Variants in CSMD1 observed in about 807,000 individuals in gnomAD.
CSMD1 encodes the protein CUB and Sushi multiple domains 1, also known as CUB and sushi domain-containing protein 1.
A neutral mutation model predicts 417.5 loss-of-function variants in CSMD1; 213 were observed. The observed-to-expected ratio is 0.51, with a 90% CI of 0.46 to 0.57. The LOEUF is 0.57. CSMD1 is among the 20% of genes least tolerant of loss of function. CSMD1 has a pLI of 0.00. For missense variants in CSMD1, 6,923 were observed against 4,529.7 expected (o/e 1.53, Z -15.17); for synonymous variants, 2,862 against 1,736.8 (o/e 1.65, Z -16.11).
intron 1 of CSMD1, among the ~76,000 whole-genome samples, chr8:4,705,251 G>A (rs919881757): frequency 6.6e-6 from 1 of 152,088 alleles, no homozygotes; most frequent in South Asian, 2.1e-4. Flanking sequence ...CCCAGTCTCT[G>A]GTATTTTTTT....
intron 7 of CSMD1, among the ~76,000 whole-genome samples, chr8:3,693,231 C>A (rs193287739): frequency 4.6e-5 from 7 of 152,188 alleles, no homozygotes; most frequent in Non-Finnish European, 4.4e-5. Flanking sequence ...CGACAACAGG[C>A]ATAATATGTT....
Position 3,708,581 on chromosome 8 carries a change from C to G in CSMD1, c.932-90G>C, listed in dbSNP as rs1416528633. ...CACACAGCACTTCCAGTCATAACTG[C>G]TTTCTATCAACCCCCGAAAATGGGA... On this transcript the variant is annotated intron_variant, in intron 6 of 69. Transcript: ENST00000635120. 1.1e-5 allele frequency: 12 copies of G among 1,094,860 alleles called. No individual in the cohort carries two copies. The South Asian group carries it at 1.4e-4, about 13-fold the overall frequency. 67.8% of individuals were successfully genotyped at this position (1,094,860 alleles called of 1,614,324 possible).
Position 3,275,129 on chromosome 8 carries a change from G to C in CSMD1, c.4153+9015C>G, listed in dbSNP as rs150867821. Among the ~76,000 whole-genome samples, 38 of 152,248 alleles carry C rather than the reference G, an allele frequency of 2.5e-4. 1 individual carries two copies. The East Asian group carries it at 7.3e-3, about 29-fold the overall frequency. On this transcript the variant is annotated intron_variant, in intron 26 of 69. Coordinates refer to ENST00000635120, the MANE Select transcript of CSMD1 (RefSeq NM_033225.6). ...GCTCTGTTAGTGAAGGCCTGGTAGT[G>C]ACAAAATCTCTCAGCATTTGCTTGT... is the stretch of plus-strand genomic sequence containing the variant.
intron 3 of CSMD1, among the ~76,000 whole-genome samples, chr8:4,291,192 A>T (rs990554838): frequency 3.3e-5 from 5 of 152,156 alleles, no homozygotes; most frequent in Non-Finnish European, 5.9e-5. Flanking sequence ...ATTATACATT[A>T]TTGGTATTTT....
In CSMD1 at chr8:4,514,315, T is replaced by G. The variant is rs1049691980; in HGVS notation, c.303-94250A>C. Among the ~76,000 whole-genome samples, 3 of 152,230 alleles carry G rather than the reference T, an allele frequency of 2.0e-5. No individual in the cohort carries two copies. In the East Asian group the frequency reaches 5.8e-4, roughly 29 times the overall value. ...ATTATCTCATTTAACCTTAATTACT[T>G]CTTTAGAGACCCTCTCTCCATATAC... On this transcript the variant is annotated intron_variant, in intron 2 of 69. Transcript: ENST00000635120.
At chr8:3,341,623 A>C (rs920407135) in intron 23 of CSMD1, among the ~76,000 whole-genome samples, 4 of 152,158 alleles carry the variant, frequency 2.6e-5, no homozygotes, top group Admixed American at 6.5e-5. Flanking sequence ...GGAGAGAGGG[A>C]GGATCCCAGG....
At chr8:3,601,649 T>C (rs1178949400) in intron 8 of CSMD1, among the ~76,000 whole-genome samples, 1 of 152,212 alleles carries the variant, frequency 6.6e-6, no homozygotes, top group African/African-American at 2.4e-5. Flanking sequence ...CAACAAACTT[T>C]AAGGCTAATG....
rs368886968 is a variant in CSMD1 at position 3,701,491 on chromosome 8, A to C, written c.1009+6923T>G. Among the ~76,000 whole-genome samples, 3 of 135,942 alleles carry C rather than the reference A, an allele frequency of 2.2e-5. No homozygotes were observed. The East Asian group carries it at 6.7e-4, about 30-fold the overall frequency. The allele number at this position is 135,942 out of a possible 152,430, so 89.2% of individuals were successfully genotyped here. On this transcript the variant is annotated intron_variant, in intron 7 of 69. Coordinates refer to ENST00000635120, the MANE Select transcript of CSMD1 (RefSeq NM_033225.6). ...CTGACATGAGGGCAAAAGACTCTTC[A>C]GGATATAGGATTAAACCTTATTTTT... is the stretch of plus-strand genomic sequence containing the variant.
At chr8:4,407,305 A>G (rs972373163) in intron 3 of CSMD1, among the ~76,000 whole-genome samples, 1 of 152,232 alleles carries the variant, frequency 6.6e-6, no homozygotes, top group Non-Finnish European at 1.5e-5. Context: ...AATCACTGCT[A>G]TAATATATAA....
At chr8:4,441,932 C>T (rs546683638) in intron 2 of CSMD1, among the ~76,000 whole-genome samples, 1 of 152,308 alleles carries the variant, frequency 6.6e-6, no homozygotes, top group Admixed American at 6.5e-5. Flanking sequence ...CAGCTTCTTA[C>T]ATAACCATTG....
At chr8:3,839,392 A>C (rs1802949868) in intron 5 of CSMD1, among the ~76,000 whole-genome samples, 1 of 63,560 alleles carries the variant, frequency 1.6e-5, no homozygotes, top group Non-Finnish European at 3.3e-5. Context: ...CAGTCTCCAT[A>C]TATATTTATA....
At chr8:3,058,867 A>T in intron 49 of CSMD1, among the ~76,000 whole-genome samples, 1 of 152,078 alleles carries the variant, frequency 6.6e-6, no homozygotes, top group Non-Finnish European at 1.5e-5. Flanking sequence ...AAATGCCTCA[A>T]GTACCCTGCA....
chr8:4,009,593 T>G (rs1816388473), intron 4 of CSMD1, among the ~76,000 whole-genome samples: 1 of 152,180 alleles, frequency 6.6e-6, no homozygotes, highest in Non-Finnish European at 1.5e-5. Flanking sequence ...TCCAACTCAA[T>G]TTTTACAATT....
chr8:3,003,955 C>T (rs1357554905), intron 52 of CSMD1, among the ~76,000 whole-genome samples: 1 of 152,214 alleles, frequency 6.6e-6, no homozygotes, highest in Admixed American at 6.5e-5. Flanking sequence ...TGACCATTTG[C>T]ATCCTGTCCA....
intron 4 of CSMD1, among the ~76,000 whole-genome samples, chr8:4,015,562 C>G (rs1796479736): frequency 6.6e-6 from 1 of 150,492 alleles, no homozygotes; most frequent in Non-Finnish European, 1.5e-5. Flanking sequence ...GGTATCAGTG[C>G]TACTGCTATG....
At chr8:3,865,855 C>A (rs77394241) in intron 5 of CSMD1, among the ~76,000 whole-genome samples, 5 of 152,070 alleles carry the variant, frequency 3.3e-5, no homozygotes, top group Admixed American at 1.3e-4. Context: ...GCTGGAAACA[C>A]GTGTTATAGT....
intron 23 of CSMD1, among the ~76,000 whole-genome samples, chr8:3,323,801 C>A (rs1429040211): frequency 7.3e-6 from 1 of 137,876 alleles, no homozygotes; most frequent in African/African-American, 2.7e-5. Context: ...CCCAGAGACC[C>A]AGGAGGGGGA....
chr8:4,224,076 G>A (rs551616300), intron 3 of CSMD1, among the ~76,000 whole-genome samples: 3 of 152,220 alleles, frequency 2.0e-5, no homozygotes, highest in South Asian at 4.1e-4. Context: ...GCTAAAGGCT[G>A]ATGGAACTGA....
chr8:3,148,099 A>G lies in CSMD1; in HGVS notation c.6031+3298T>C, dbSNP rs566873408. Reference sequence around the variant, plus strand: ...ATAGGGGACCCTTTTCTGAGTTGTAACCACAGGAAATGTTCCAGAATCACT... The same window carrying G: ...ATAGGGGACCCTTTTCTGAGTTGTAGCCACAGGAAATGTTCCAGAATCACT... On this transcript the variant is annotated intron_variant, in intron 40 of 69. Coordinates refer to ENST00000635120, the MANE Select transcript of CSMD1 (RefSeq NM_033225.6). Among the ~76,000 whole-genome samples, 295 of 152,306 alleles carry G rather than the reference A, an allele frequency of 1.9e-3. 2 individuals are homozygous for G. The highest frequency in any genetic ancestry group is 6.9e-3 in the African/African-American group (286 of 41,568).
Sources: allele counts gnomAD v4.1 joint callset (sites outside exome capture counted in the v4.1 genomes callset), GRCh38; gene constraint gnomAD v4.1.1; transcripts MANE v1.5; gene names NCBI Gene and HGNC (gene_info 2026-07-23, HGNC 2026-07-21).